Variants in NIPSNAP3B observed in about 807,000 individuals in gnomAD.
NIPSNAP3B encodes nipsnap homolog 3B.
A neutral mutation model predicts 31.5 loss-of-function variants in NIPSNAP3B; 30 were observed. The ratio of observed to expected loss-of-function variants is 0.95; its 90% confidence interval spans 0.71 to 1.29. NIPSNAP3B has a LOEUF of 1.29. Among genes scored for constraint, NIPSNAP3B ranks in the 50% most tolerant of loss-of-function variants. NIPSNAP3B has a pLI of 0.00. For missense variants in NIPSNAP3B, 269 were observed against 300.7 expected (o/e 0.89, Z 0.78); for synonymous variants, 106 against 107.9 (o/e 0.98, Z 0.11).
chr9:104,775,962 G>A lies in NIPSNAP3B; in HGVS notation c.*2889G>A, dbSNP rs1828327038. On this transcript the variant is annotated 3_prime_UTR_variant, in exon 6 of 6. Coordinates refer to ENST00000374762, the MANE Select transcript of NIPSNAP3B (RefSeq NM_018376.4). ...GGATTTTTGGGAAGTGGTCTTAACTGGTGTGCTGCCCTTCCCCTCTGCTCT... is the reference window on the plus strand; with the variant it reads ...GGATTTTTGGGAAGTGGTCTTAACTAGTGTGCTGCCCTTCCCCTCTGCTCT... Among the ~76,000 whole-genome samples, 1 of 152,114 alleles carries A rather than the reference G, an allele frequency of 6.6e-6. No individual in the cohort carries two copies. The highest frequency in any genetic ancestry group is 6.6e-5 in the Admixed American group (1 of 15,262).
the NIPSNAP3B span, among the ~76,000 whole-genome samples, chr9:104,784,937 C>T: frequency 6.6e-5 from 10 of 152,170 alleles, no homozygotes; most frequent in African/African-American, 2.4e-4. Flanking sequence ...AGCCACCACG[C>T]CCGGCCAAAA....
At chr9:104,789,581 T>C in the NIPSNAP3B span, among the ~76,000 whole-genome samples, 2 of 152,216 alleles carry the variant, frequency 1.3e-5, no homozygotes, top group Non-Finnish European at 1.5e-5. Context: ...TAGTGGGTCA[T>C]GACCAGCACT....
At chr9:104,790,673 T>C in the NIPSNAP3B span, among the ~76,000 whole-genome samples, 265 of 152,308 alleles carry the variant, frequency 1.7e-3, 1 homozygote, top group African/African-American at 6.2e-3. Context: ...AAGCAAATTA[T>C]ATTGTATGTA....
intron 4 of NIPSNAP3B, 153 bp downstream of exon 4, chr9:104,771,151 AT>A: frequency 1.6e-6 from 1 of 610,418 alleles, no homozygotes; most frequent in East Asian, 2.8e-5. Context: ...CTTATTTTAC[AT>A]CTTATTTTTT....
At position 104,775,609 on chromosome 9, in the gene NIPSNAP3B, T is replaced by G. The variant is rs1194755486; in HGVS notation, c.*2536T>G. Among the ~76,000 whole-genome samples, 1 of 152,184 alleles carries G rather than the reference T, an allele frequency of 6.6e-6. No individual in the cohort carries two copies. ...GCTCCTCCAGTCCACACCTCTTTTC[T>G]GAATCTTTTTTCAAATTCACACATG... On this transcript the variant is annotated 3_prime_UTR_variant, in exon 6 of 6. Transcript: ENST00000374762.
At chr9:104,765,167 T>C (rs1048302990) in intron 1 of NIPSNAP3B, among the ~76,000 whole-genome samples, 3 of 152,216 alleles carry the variant, frequency 2.0e-5, no homozygotes, top group Non-Finnish European at 2.9e-5. Context: ...AATAAGGGCA[T>C]AACTCATACT....
chr9:104,770,386 C>T (rs1056959574), intron 3 of NIPSNAP3B, among the ~76,000 whole-genome samples: 6 of 151,954 alleles, frequency 3.9e-5, no homozygotes, highest in Non-Finnish European at 5.9e-5. Flanking sequence ...AGAATCCTAC[C>T]GGAGAAAATT....
chr9:104,774,751 A>G lies in NIPSNAP3B; in HGVS notation c.*1678A>G, dbSNP rs981562010. Among the ~76,000 whole-genome samples, 1 of 152,180 alleles carries G rather than the reference A, an allele frequency of 6.6e-6. No individual in the cohort carries two copies. The highest frequency in any genetic ancestry group is 1.5e-5 in the Non-Finnish European group (1 of 68,010). On this transcript the variant is annotated 3_prime_UTR_variant, in exon 6 of 6. Transcript: ENST00000374762. Reference sequence around the variant, plus strand: ...AGATTATGACTTTTCCTAAAACTTAACATGACAGAGATTTGCCTTCCAGGG... The same window carrying G: ...AGATTATGACTTTTCCTAAAACTTAGCATGACAGAGATTTGCCTTCCAGGG...
the NIPSNAP3B span, among the ~76,000 whole-genome samples, chr9:104,785,242 C>A: frequency 6.6e-6 from 1 of 152,114 alleles, no homozygotes; most frequent in Non-Finnish European, 1.5e-5. Flanking sequence ...TTTTCAGGTT[C>A]AGAGAGGTTT....
At chr9:104,785,885 T>C in the NIPSNAP3B span, among the ~76,000 whole-genome samples, 4 of 152,198 alleles carry the variant, frequency 2.6e-5, no homozygotes, top group Non-Finnish European at 5.9e-5. Flanking sequence ...CTGACAGATG[T>C]TACAGAGAAA....
the NIPSNAP3B span, chr9:104,782,865 A>AT: frequency 6.9e-6 from 1 of 145,892 alleles, no homozygotes; most frequent in Non-Finnish European, 1.5e-5. Context: ...AAAAAAAAAA[A>AT]GGCTGCCCAG....
chr9:104,768,757 G>A, intron 2 of NIPSNAP3B, 106 bp from the exon 3 acceptor site: 1 of 850,742 alleles, frequency 1.2e-6, no homozygotes, highest in Non-Finnish European at 1.8e-6. Flanking sequence ...TAATAACATG[G>A]GGTTCCCATA....
rs41277761 is a variant in NIPSNAP3B, at chr9:104,770,951, C to A, written c.533C>A (p.Thr178Lys). The A allele has an allele frequency of 2.2e-3, 3,514 of 1,613,890 alleles. 6 individuals carry two copies. The highest frequency in any genetic ancestry group is 2.6e-3 in the Non-Finnish European group (3,060 of 1,179,814). Reference protein sequence around the residue: ...AINAHVNLGYTKVVGVFHTEY... With the variant: ...AINAHVNLGYKKVVGVFHTEY... ...AATGCCCATGTCAATTTAGGCTACA[C>A]AAAAGTAGTTGGTGTTTTCCACACA... is the stretch of plus-strand genomic sequence containing the variant. Residue 178 changes from threonine to lysine, a missense_variant, in exon 4 of 6, where the codon ACA becomes AAA. Physicochemically the swap from Thr to Lys is moderately conservative, Grantham distance 78. Transcript: ENST00000374762.
the NIPSNAP3B span, among the ~76,000 whole-genome samples, chr9:104,790,158 G>C: frequency 1.3e-5 from 2 of 151,510 alleles, no homozygotes; most frequent in African/African-American, 4.9e-5. Context: ...CATTATCTAA[G>C]AAGCCTATAA....
chr9:104,789,185 A>C, the NIPSNAP3B span, among the ~76,000 whole-genome samples: 1 of 152,208 alleles, frequency 6.6e-6, no homozygotes, highest in Admixed American at 6.5e-5. Flanking sequence ...TAGCACCCCC[A>C]GGGTCAGCCT....
At chr9:104,783,620 C>G in the NIPSNAP3B span, 1 of 152,698 alleles carries the variant, frequency 6.5e-6, no homozygotes, top group East Asian at 1.9e-4. Context: ...TTTCCCGTGC[C>G]TGGAGACACC....
chr9:104,790,442 A>G, the NIPSNAP3B span, among the ~76,000 whole-genome samples: 1 of 152,246 alleles, frequency 6.6e-6, no homozygotes, highest in Non-Finnish European at 1.5e-5. Context: ...AAAATTCCAC[A>G]TCTTAGGAAA....
downstream of NIPSNAP3B, chr9:104,782,149 C>T (rs916051285): frequency 3.3e-5 from 5 of 151,974 alleles, no homozygotes; most frequent in Non-Finnish European, 5.9e-5. Flanking sequence ...GAAACCATAA[C>T]TTTGATTTTG....
chr9:104,787,504 G>A, the NIPSNAP3B span, among the ~76,000 whole-genome samples: 16 of 152,244 alleles, frequency 1.1e-4, no homozygotes, highest in Middle Eastern at 3.4e-3. Context: ...AAGAAAAAAG[G>A]TCAAGGGCCA....
Sources: gnomAD v4.1 joint callset for allele counts (sites outside exome capture counted in the v4.1 genomes callset) on GRCh38, gnomAD v4.1.1 for gene constraint, MANE v1.5 for transcripts, NCBI Gene and HGNC (gene_info 2026-07-23, HGNC 2026-07-21) for gene names.